The following PALLD variants were observed in gnomAD, a reference collection of about 807,000 sequenced individuals.
The protein encoded by PALLD is palladin.
A neutral mutation model predicts 123.5 loss-of-function variants in PALLD; 61 were observed. The ratio of observed to expected loss-of-function variants is 0.49; its 90% CI spans 0.40 to 0.61. The LOEUF (loss-of-function observed/expected upper bound fraction) is 0.61, where lower values mean the gene tolerates loss of function less well. Ranked by LOEUF, PALLD falls within the 20% of genes least tolerant of loss-of-function variation. The pLI, the probability that PALLD is intolerant of heterozygous loss-of-function variation, is 0.00. For missense variants in PALLD, 1,273 were observed against 1,377.0 expected (o/e 0.92, Z 1.20); for synonymous variants, 465 against 496.4 (o/e 0.94, Z 0.84).
intron 18 of PALLD, among the ~76,000 whole-genome samples, chr4:168,923,051 G>A (rs1231617875): frequency 1.3e-5 from 2 of 152,238 alleles, no homozygotes; most frequent in Non-Finnish European, 2.9e-5. Context: ...AAATGTGTAT[G>A]AAGCTCTGCA....
intron 2 of PALLD, among the ~76,000 whole-genome samples, chr4:168,537,114 G>A (rs1561222086): frequency 6.6e-6 from 1 of 152,150 alleles, no homozygotes; most frequent in African/African-American, 2.4e-5. Context: ...GTGAGCCACC[G>A]CGCCCAGCGG....
chr4:168,816,149 T>G (rs17054532), intron 10 of PALLD, among the ~76,000 whole-genome samples: 3,472 of 152,260 alleles, frequency 0.023, 117 homozygotes, highest in African/African-American at 0.07. Flanking sequence ...CTCTGTGTTA[T>G]TGGATGGGAC....
intron 2 of PALLD, among the ~76,000 whole-genome samples, chr4:168,583,604 A>C (rs188045956): frequency 6.6e-6 from 1 of 152,160 alleles, no homozygotes; most frequent in Non-Finnish European, 1.5e-5. Context: ...CCAGTGCACC[A>C]ATCAGTTTGA....
intron 2 of PALLD, among the ~76,000 whole-genome samples, chr4:168,607,710 T>C (rs1196880945): frequency 6.6e-6 from 1 of 152,144 alleles, no homozygotes; most frequent in Non-Finnish European, 1.5e-5. Flanking sequence ...TAGTTGAGGC[T>C]GTCATGCTGT....
intron 10 of PALLD, among the ~76,000 whole-genome samples, chr4:168,858,001 A>G (rs1395904695): frequency 6.6e-6 from 1 of 152,156 alleles, no homozygotes; most frequent in Non-Finnish European, 1.5e-5. Flanking sequence ...CGTCACACAC[A>G]TTGCTCCCCA....
In PALLD at chr4:168,901,550, T is replaced by C. The variant is rs556969095; in HGVS notation, c.2473-2207T>C. Among the ~76,000 whole-genome samples the C allele has an allele frequency of 4.6e-5, 7 of 152,288 alleles. No homozygotes were observed. The East Asian group carries it at 1.4e-3, about 29-fold the overall frequency. The stretch of plus-strand genomic sequence containing the variant: ...AAATTGTATACTTATTACAGCTTCT[T>C]TTTTCCATCAGAAATAGTCAACCAT... On this transcript the variant is annotated intron_variant, in intron 14 of 21. Coordinates refer to ENST00000505667, the MANE Select transcript of PALLD (RefSeq NM_001166108.2).
intron 10 of PALLD, among the ~76,000 whole-genome samples, chr4:168,843,789 T>G (rs911599651): frequency 6.6e-6 from 1 of 152,152 alleles, no homozygotes; most frequent in African/African-American, 2.4e-5. Flanking sequence ...GGCAAGCCCA[T>G]GCCCGAAAAA....
chr4:168,571,803 A>C (rs903282190), intron 2 of PALLD, among the ~76,000 whole-genome samples: 10 of 152,158 alleles, frequency 6.6e-5, no homozygotes, highest in African/African-American at 2.2e-4. Flanking sequence ...TTCTCTGTAG[A>C]TTTTAAACCT....
chr4:168,502,937 A>G (rs898298429), intron 1 of PALLD, among the ~76,000 whole-genome samples: 3 of 152,176 alleles, frequency 2.0e-5, no homozygotes, highest in Admixed American at 6.5e-5. Context: ...TGAAGAGAGC[A>G]TGTCCCAGAG....
At chr4:168,712,167 CTG>C in intron 10 of PALLD, 1 of 568,398 alleles carries the variant, frequency 1.8e-6, no homozygotes, top group Non-Finnish European at 3.1e-6. Context: ...GTGAAAATAT[CTG>C]TGCCCAGTGT....
At chr4:168,652,879 G>A (rs1363182941) in intron 2 of PALLD, among the ~76,000 whole-genome samples, 1 of 152,132 alleles carries the variant, frequency 6.6e-6, no homozygotes, top group African/African-American at 2.4e-5. Context: ...AATTAAATTA[G>A]CCTAATCTAA....
chr4:168,916,684 C>CT (rs545906704), intron 17 of PALLD, among the ~76,000 whole-genome samples: 23,317 of 136,186 alleles, frequency 0.17, 2,781 homozygotes, highest in African/African-American at 0.31. Flanking sequence ...TTTTCTAATT[C>CT]TTTTTTTTTT....
chr4:168,712,286 T>G (rs1440718707), intron 10 of PALLD: 1 of 332,448 alleles, frequency 3.0e-6, no homozygotes, highest in African/African-American at 2.1e-5. Context: ...TGAGTATAAG[T>G]ACTTTGCATT....
At chr4:168,782,928 AC>A (rs201429239) in intron 10 of PALLD, among the ~76,000 whole-genome samples, 12 of 151,704 alleles carry the variant, frequency 7.9e-5, no homozygotes, top group Non-Finnish European at 1.2e-4. Flanking sequence ...ATAAAAAACA[AC>A]AAAAAAAAAC....
intron 10 of PALLD, among the ~76,000 whole-genome samples, chr4:168,814,568 A>C (rs968071361): frequency 6.6e-6 from 1 of 152,230 alleles, no homozygotes; most frequent in Non-Finnish European, 1.5e-5. Context: ...CAAAAGCGAC[A>C]TAACTGCGTT....
rs974281800 is a variant in PALLD, at chr4:168,894,340, A to G, written c.2101-239A>G. The stretch of plus-strand genomic sequence containing the variant: ...GTTTCTTCCTTGTCGCTTATTGCTC[A>G]CTTTAAATTTGTGCTGTACCAATTG... On this transcript the variant is annotated intron_variant, in intron 11 of 21. Coordinates refer to ENST00000505667, the MANE Select transcript of PALLD (RefSeq NM_001166108.2). 4.2e-5 allele frequency: 22 copies of G among 523,258 alleles called. No homozygotes were observed. The Admixed American group carries it at 6.4e-4, about 15-fold the overall frequency. The allele number at this position is 523,258 out of a possible 1,614,324, so 32.4% of individuals were successfully genotyped here. A position where few individuals can be genotyped will look rare whatever the true frequency, so the allele number is the denominator to read the frequency against.
rs1194470508 is a variant in PALLD at position 168,635,098 on chromosome 4, ATC to A, written c.909-33091_909-33090del. The stretch of plus-strand genomic sequence containing the variant: ...TTTCTCATGTCAAGCTTGGGAAGCC[ATC>A]AGTTATGAAAGAGACAAGGGCCAGT... On this transcript the variant is annotated intron_variant, in intron 2 of 21. Coordinates refer to ENST00000505667, the MANE Select transcript of PALLD (RefSeq NM_001166108.2). Among the ~76,000 whole-genome samples the A allele has an allele frequency of 3.9e-5, 6 of 152,216 alleles. No individual in the cohort carries two copies. The East Asian group carries it at 1.2e-3, about 29-fold the overall frequency.
intron 10 of PALLD, among the ~76,000 whole-genome samples, chr4:168,832,350 C>G (rs1199159649): frequency 6.6e-6 from 1 of 151,854 alleles, no homozygotes; most frequent in African/African-American, 2.4e-5. Context: ...AGCCCTCTCC[C>G]TCCCCCGGCC....
intron 2 of PALLD, among the ~76,000 whole-genome samples, chr4:168,520,322 G>A (rs1287112092): frequency 1.1e-5 from 1 of 94,424 alleles, no homozygotes; most frequent in Non-Finnish European, 1.9e-5. Flanking sequence ...CGAAGATTCC[G>A]TCACCAAAAA....
Sources: allele counts gnomAD v4.1 joint callset (sites outside exome capture counted in the v4.1 genomes callset), GRCh38; gene constraint gnomAD v4.1.1; transcripts MANE v1.5; gene names NCBI Gene and HGNC (gene_info 2026-07-23, HGNC 2026-07-21).